The following CADM1 variants were observed in gnomAD, a reference collection of about 807,000 sequenced individuals.
CADM1 encodes the protein TSLC-1.
A neutral mutation model predicts 53.1 loss-of-function variants in CADM1; 15 were observed. The observed-to-expected ratio is 0.28, with a 90% CI of 0.19 to 0.44. The LOEUF (loss-of-function observed/expected upper bound fraction) is 0.44, where lower values mean the gene tolerates loss of function less well. Ranked by LOEUF, CADM1 falls within the 20% of genes least tolerant of loss-of-function variation. The pLI is 1.00. For synonymous variants in CADM1, 281 were observed against 243.0 expected, an observed-to-expected ratio of 1.16 and a Z score of -1.45; for missense variants, 434 against 611.3, an observed-to-expected ratio of 0.71 and a Z score of 3.06.
intron 1 of CADM1, among the ~76,000 whole-genome samples, chr11:115,425,650 G>A (rs938199532): frequency 6.6e-6 from 1 of 152,192 alleles, no homozygotes; most frequent in Non-Finnish European, 1.5e-5. Context: ...TTGTGGGATT[G>A]TTGCTTCTGA....
At position 115,306,817 on chromosome 11, in the gene CADM1, G is replaced by A. The variant is rs993482632; in HGVS notation, c.125-66397C>T. Among the ~76,000 whole-genome samples, 16 of 152,110 alleles carry A rather than the reference G, an allele frequency of 1.1e-4. No homozygotes were observed. In the Middle Eastern group the frequency reaches 0.017, roughly 162 times the overall value. On this transcript the variant is annotated intron_variant, in intron 1 of 11. Transcript: ENST00000331581. ...ATCCAGTAATGAAATTCACAGACAT[G>A]TCAATGTCCAAACATATAGACATGC...
In CADM1 at chr11:115,316,592, T is replaced by C. The variant is rs905688330; in HGVS notation, c.125-76172A>G. On this transcript the variant is annotated intron_variant, in intron 1 of 11. Transcript: ENST00000331581. Reference sequence around the variant, plus strand: ...TTATCCAGACACAAGCAGCAATAAATTCATCCTTAAAATGTATAGTGTTAC... The same window carrying C: ...TTATCCAGACACAAGCAGCAATAAACTCATCCTTAAAATGTATAGTGTTAC... Among the ~76,000 whole-genome samples, 6 of 152,088 alleles carry C rather than the reference T, an allele frequency of 3.9e-5. No homozygotes were observed. The South Asian group carries it at 8.3e-4, about 21-fold the overall frequency.
chr11:115,351,909 T>G (rs773031150), intron 1 of CADM1, among the ~76,000 whole-genome samples: 3 of 152,148 alleles, frequency 2.0e-5, no homozygotes, highest in Non-Finnish European at 4.4e-5. Context: ...CACCACCACT[T>G]AAACCATAGG....
At chr11:115,428,005 CAAAAAAAAAAAA>C (rs66872817) in intron 1 of CADM1, among the ~76,000 whole-genome samples, 9 of 54,032 alleles carry the variant, frequency 1.7e-4, no homozygotes, top group African/African-American at 7.1e-4. Flanking sequence ...GACTCCATCT[CAAAAAAAAAAAA>C]AAAAAAAAAA....
intron 10 of CADM1, among the ~76,000 whole-genome samples, chr11:115,189,859 C>T (rs1366236180): frequency 6.6e-6 from 1 of 152,212 alleles, no homozygotes; most frequent in Non-Finnish European, 1.5e-5. Flanking sequence ...CTACAGGCTA[C>T]ATAACAGCAA....
chr11:115,178,899 T>G (rs1393971215), intron 10 of CADM1, 124 bp from the exon 11 acceptor site: 2 of 1,015,660 alleles, frequency 2.0e-6, no homozygotes, highest in Non-Finnish European at 3.0e-6. Context: ...CAGAGAACAA[T>G]CGAGATGGAT....
At chr11:115,495,945 TCTGA>T (rs1363856886) in intron 1 of CADM1, among the ~76,000 whole-genome samples, 3 of 152,314 alleles carry the variant, frequency 2.0e-5, no homozygotes, top group East Asian at 3.9e-4. Flanking sequence ...CATGAGGCCC[TCTGA>T]CTGTGACCCT....
At chr11:115,190,791 A>G in intron 10 of CADM1, 97 bp downstream of exon 10, 3 of 1,007,566 alleles carry the variant, frequency 3.0e-6, no homozygotes, top group Non-Finnish European at 4.4e-6. Flanking sequence ...CAAAATCCAC[A>G]CTGATTGCTC....
At chr11:115,481,563 T>C (rs1373626217) in intron 1 of CADM1, among the ~76,000 whole-genome samples, 2 of 152,120 alleles carry the variant, frequency 1.3e-5, no homozygotes, top group Admixed American at 6.6e-5. Flanking sequence ...TGCCACAGAG[T>C]GCTGCTAGGT....
chr11:115,312,303 A>C (rs1245260796), intron 1 of CADM1, among the ~76,000 whole-genome samples: 1 of 152,310 alleles, frequency 6.6e-6, no homozygotes, highest in East Asian at 1.9e-4. Context: ...AAGCACATTC[A>C]CAAGACAGTT....
intron 1 of CADM1, among the ~76,000 whole-genome samples, chr11:115,267,202 G>T (rs1282619496): frequency 6.6e-6 from 1 of 152,234 alleles, no homozygotes; most frequent in African/African-American, 2.4e-5. Context: ...TTAAATGTCA[G>T]TTTGAGTGCT....
intron 1 of CADM1, among the ~76,000 whole-genome samples, chr11:115,292,371 C>T (rs1346016213): frequency 6.6e-6 from 1 of 152,146 alleles, no homozygotes; most frequent in Non-Finnish European, 1.5e-5. Context: ...ATAGTAAGCT[C>T]ATTAATAGTA....
At position 115,176,513 on chromosome 11, in the gene CADM1, T is replaced by C. The variant is rs1939036653; in HGVS notation, c.1377A>G (p.Gly459=). ...ADTAIINAEG[G]QNNSEEKKEY... ...CTTTCTTTTCTTCGGAGTTGTTCTG[T>C]CCTCCTTCTGCATTGATTATAGCTG... The change falls in exon 12 of 12, where the codon GGA becomes GGG. Residue 459 remains glycine, a synonymous_variant. Transcript: ENST00000331581. The C allele has an allele frequency of 6.2e-7, 1 of 1,614,142 alleles. No individual in the cohort carries two copies. Among genetic ancestry groups the C allele is most frequent in the Non-Finnish European group, 8.5e-7 (1 of 1,179,984 alleles).
At chr11:115,222,874 T>C (rs1396597222) in intron 5 of CADM1, among the ~76,000 whole-genome samples, 1 of 152,210 alleles carries the variant, frequency 6.6e-6, no homozygotes, top group Admixed American at 6.5e-5. Flanking sequence ...GAAGCAATTC[T>C]CATCATTTGT....
intron 1 of CADM1, among the ~76,000 whole-genome samples, chr11:115,372,221 CAA>C (rs1197805802): frequency 1.3e-5 from 2 of 152,110 alleles, no homozygotes; most frequent in Non-Finnish European, 2.9e-5. Context: ...TTCTATGAGC[CAA>C]AGTTTTCCCT....
chr11:115,403,350 A>T (rs887265938), intron 1 of CADM1, among the ~76,000 whole-genome samples: 3 of 152,220 alleles, frequency 2.0e-5, no homozygotes, highest in African/African-American at 7.2e-5. Flanking sequence ...TGCAATGTGT[A>T]ATCCTGAATC....
chr11:115,400,657 GTGTGTA>G (rs1180609008), intron 1 of CADM1, among the ~76,000 whole-genome samples: 11 of 82,294 alleles, frequency 1.3e-4, no homozygotes, highest in South Asian at 4.0e-4. Context: ...GTGTGTGTGT[GTGTGTA>G]TATATATATA....
At chr11:115,305,200 T>C (rs997232055) in intron 1 of CADM1, among the ~76,000 whole-genome samples, 5 of 151,918 alleles carry the variant, frequency 3.3e-5, no homozygotes, top group South Asian at 2.1e-4. Context: ...TGAGATGATG[T>C]TGAGATAGAA....
chr11:115,332,618 T>A (rs1022072067), intron 1 of CADM1, among the ~76,000 whole-genome samples: 1 of 152,074 alleles, frequency 6.6e-6, no homozygotes, highest in African/African-American at 2.4e-5. Context: ...GGCACTTACA[T>A]ATGCTCGATA....
Sources: allele counts gnomAD v4.1 joint callset (sites outside exome capture counted in the v4.1 genomes callset), GRCh38; gene constraint gnomAD v4.1.1; transcripts MANE v1.5; gene names NCBI Gene and HGNC (gene_info 2026-07-23, HGNC 2026-07-21).